The following LUZP2 variants were observed in gnomAD, a reference collection of about 807,000 sequenced individuals.
LUZP2 encodes the protein leucine zipper protein 2.
In LUZP2, 52 loss-of-function variants were observed where a neutral mutation model predicts 51.6. The observed-to-expected ratio is 1.01, with a 90% CI of 0.81 to 1.27. The LOEUF (loss-of-function observed/expected upper bound fraction) is 1.27. LUZP2 is among the 50% of genes most tolerant of loss of function. The pLI is 0.00. For synonymous variants in LUZP2, 154 were observed against 137.3 expected (o/e 1.12, Z -0.85); for missense variants, 436 against 395.4 (o/e 1.10, Z -0.87).
At chr11:25,038,948 A>G (rs1195987779) in intron 9 of LUZP2, among the ~76,000 whole-genome samples, 1 of 152,180 alleles carries the variant, frequency 6.6e-6, no homozygotes, top group East Asian at 1.9e-4. Flanking sequence ...CTGTAATCCA[A>G]TAGAGGATAC....
At chr11:25,043,293 C>T (rs1031557522) in intron 9 of LUZP2, among the ~76,000 whole-genome samples, 1 of 152,076 alleles carries the variant, frequency 6.6e-6, no homozygotes, top group Admixed American at 6.6e-5. Context: ...ATTGACATAT[C>T]TTTTGGGGAC....
At chr11:24,830,722 C>T (rs946118590) in intron 5 of LUZP2, among the ~76,000 whole-genome samples, 20 of 151,992 alleles carry the variant, frequency 1.3e-4, no homozygotes, top group African/African-American at 4.1e-4. Context: ...TGGCCAGGTG[C>T]GGTGGCTCAT....
chr11:24,677,353 TA>T (rs1285060213), intron 1 of LUZP2, among the ~76,000 whole-genome samples: 1 of 152,210 alleles, frequency 6.6e-6, no homozygotes, highest in Non-Finnish European at 1.5e-5. Context: ...CCTGTGCTTA[TA>T]AAGCCTGCAT....
intron 2 of LUZP2, 83 bp downstream of exon 2, chr11:24,729,369 A>G (rs1353950145): frequency 8.9e-6 from 6 of 677,590 alleles, no homozygotes; most frequent in Non-Finnish European, 9.7e-6. Context: ...ATTTTTAAAT[A>G]GTTTTTAATG....
intron 1 of LUZP2, among the ~76,000 whole-genome samples, chr11:24,557,235 G>A (rs928023896): frequency 7.5e-5 from 11 of 147,364 alleles, no homozygotes; most frequent in Non-Finnish European, 1.4e-4. Context: ...CAGCATTATC[G>A]TTGCTAAAAA....
At chr11:24,652,630 G>C (rs1855663164) in intron 1 of LUZP2, among the ~76,000 whole-genome samples, 1 of 152,068 alleles carries the variant, frequency 6.6e-6, no homozygotes, top group Admixed American at 6.6e-5. Flanking sequence ...CAGTATTCTA[G>C]ATGAAGGTCA....
At chr11:24,502,920 T>A (rs191070391) in intron 1 of LUZP2, among the ~76,000 whole-genome samples, 6 of 152,338 alleles carry the variant, frequency 3.9e-5, no homozygotes, top group Admixed American at 2.0e-4. Context: ...GACTTGAAAG[T>A]TTTTATGACT....
intron 1 of LUZP2, among the ~76,000 whole-genome samples, chr11:24,581,111 T>G (rs1014196892): frequency 6.6e-6 from 1 of 151,426 alleles, no homozygotes; most frequent in Non-Finnish European, 1.5e-5. Context: ...GTTAGATCCC[T>G]GTATATAGAA....
intron 9 of LUZP2, among the ~76,000 whole-genome samples, chr11:25,003,589 C>T (rs1457711822): frequency 1.3e-5 from 2 of 152,210 alleles, no homozygotes; most frequent in African/African-American, 4.8e-5. Flanking sequence ...CATTTCCTTA[C>T]TAAACCTTGA....
intron 9 of LUZP2, among the ~76,000 whole-genome samples, chr11:25,047,604 T>TCA (rs200167190): frequency 0.47 from 71,197 of 151,848 alleles, 17,138 homozygotes; most frequent in Non-Finnish European, 0.51. Flanking sequence ...TTCTAACCCT[T>TCA]GTTCAGAACA....
intron 10 of LUZP2, among the ~76,000 whole-genome samples, chr11:25,052,858 A>G (rs1030947462): frequency 2.0e-5 from 3 of 152,140 alleles, no homozygotes; most frequent in African/African-American, 7.2e-5. Flanking sequence ...ATGCCTTTAT[A>G]TGACTTTCCT....
chr11:24,866,113 T>TAC (rs60308723), intron 5 of LUZP2, among the ~76,000 whole-genome samples: 14,928 of 146,324 alleles, frequency 0.1, 745 homozygotes, highest in Admixed American at 0.12. Context: ...CTGCATTTCA[T>TAC]ACACACACAC....
At chr11:24,891,625 A>G (rs1466986123) in intron 5 of LUZP2, 74 of 712,522 alleles carry the variant, frequency 1.0e-4, no homozygotes, top group Admixed American at 3.2e-4. Context: ...CCTCTTTGAT[A>G]AGTCCTATGT....
rs551121052 is a variant in LUZP2 at position 24,497,205 on chromosome 11, G to A, written c.-39G>A. ...CGACAGGATCCCGAAGAGAGAGAGA[G>A]AAGGCAGCGAGGGAAGGAGGACCCC... On this transcript the variant is annotated 5_prime_UTR_variant, in exon 1 of 12. Transcript: ENST00000336930. The A allele has an allele frequency of 1.0e-5, 15 of 1,501,850 alleles. No individual in the cohort carries two copies. In the South Asian group the frequency reaches 1.6e-4, roughly 16 times the overall value. 93.0% of individuals were successfully genotyped at this position (1,501,850 alleles called of 1,614,324 possible). A position where few individuals can be genotyped will look rare whatever the true frequency, so the allele number is the denominator to read the frequency against.
chr11:24,551,177 A>T (rs1851714402), intron 1 of LUZP2, among the ~76,000 whole-genome samples: 1 of 152,112 alleles, frequency 6.6e-6, no homozygotes, highest in Non-Finnish European at 1.5e-5. Context: ...TTTAGATAAA[A>T]TAAAAGTCAT....
intron 7 of LUZP2, among the ~76,000 whole-genome samples, chr11:24,959,045 G>T (rs531341843): frequency 1.8e-3 from 278 of 152,226 alleles, no homozygotes; most frequent in African/African-American, 6.4e-3. Flanking sequence ...TCTCAGGTTT[G>T]TCAAAGATGA....
chr11:24,566,621 T>TAC (rs201984448), intron 1 of LUZP2, among the ~76,000 whole-genome samples: 1 of 136,670 alleles, frequency 7.3e-6, no homozygotes, highest in East Asian at 2.1e-4. Flanking sequence ...TATGTATAGA[T>TAC]ATACACACAC....
intron 9 of LUZP2, among the ~76,000 whole-genome samples, chr11:25,037,179 T>G (rs1857892923): frequency 6.6e-6 from 1 of 152,214 alleles, no homozygotes; most frequent in Admixed American, 6.5e-5. Context: ...AGGCTTCTTG[T>G]TGGATTGTAT....
At chr11:24,863,190 T>C (rs750046768) in intron 5 of LUZP2, among the ~76,000 whole-genome samples, 3 of 152,182 alleles carry the variant, frequency 2.0e-5, no homozygotes, top group Non-Finnish European at 4.4e-5. Flanking sequence ...GCCCAACAAC[T>C]CTATTCCTAA....
Sources: allele counts gnomAD v4.1 joint callset (sites outside exome capture counted in the v4.1 genomes callset), GRCh38; gene constraint gnomAD v4.1.1; transcripts MANE v1.5; gene names NCBI Gene and HGNC (gene_info 2026-07-23, HGNC 2026-07-21).